QKI: variants seen among roughly 807,000 people sequenced by gnomAD.
QKI encodes QKI, KH domain containing RNA binding, also known as KH domain-containing RNA-binding protein QKI.
In QKI, 10 loss-of-function variants were observed where a neutral mutation model predicts 39.0. That is an observed-to-expected ratio of 0.26 (90% CI 0.16 to 0.43). QKI has a LOEUF of 0.43. Among genes scored for constraint, QKI ranks in the 20% least tolerant of loss-of-function variants. The pLI is 1.00. For missense variants in QKI, 218 were observed against 428.0 expected (o/e 0.51, Z 4.33); for synonymous variants, 204 against 155.4 (o/e 1.31, Z -2.33).
intron 3 of QKI, among the ~76,000 whole-genome samples, chr6:163,499,260 C>A (rs767458056): frequency 6.6e-6 from 1 of 152,144 alleles, no homozygotes; most frequent in African/African-American, 2.4e-5. Flanking sequence ...TATTTGACTT[C>A]TATTCGTGTT....
At chr6:163,446,105 T>C (rs971004884) in intron 1 of QKI, among the ~76,000 whole-genome samples, 50 of 152,356 alleles carry the variant, frequency 3.3e-4, no homozygotes, top group African/African-American at 1.2e-3. Context: ...ATTCATTGAA[T>C]GATTTTTGTT....
intron 3 of QKI, among the ~76,000 whole-genome samples, chr6:163,479,123 T>TA (rs35728884): frequency 1.3e-5 from 2 of 151,578 alleles, no homozygotes; most frequent in Admixed American, 6.6e-5. Context: ...CTGTCTTTAC[T>TA]AAAAAAAATA....
chr6:163,457,887 CTG>C (rs375739843), intron 2 of QKI, among the ~76,000 whole-genome samples: 7 of 151,986 alleles, frequency 4.6e-5, no homozygotes, highest in Non-Finnish European at 8.8e-5. Flanking sequence ...TGAATAGTGA[CTG>C]TGTATGGAAG....
intron 1 of QKI, among the ~76,000 whole-genome samples, chr6:163,447,000 T>C (rs148801478): frequency 0.027 from 4,088 of 152,234 alleles, 98 homozygotes; most frequent in Non-Finnish European, 0.035. Flanking sequence ...GTGAACATAC[T>C]GGTCTACACT....
intron 1 of QKI, among the ~76,000 whole-genome samples, chr6:163,450,570 T>C (rs1348798804): frequency 6.6e-6 from 1 of 151,628 alleles, no homozygotes; most frequent in Non-Finnish European, 1.5e-5. Context: ...AAAGGTCACA[T>C]AAAACAGAAC....
chr6:163,518,450 A>G (rs1779962860), intron 3 of QKI, among the ~76,000 whole-genome samples: 1 of 152,142 alleles, frequency 6.6e-6, no homozygotes, highest in South Asian at 2.1e-4. Context: ...TTGTGGGTCC[A>G]TGTTCTTAGT....
intron 2 of QKI, among the ~76,000 whole-genome samples, chr6:163,463,282 T>TG: frequency 6.6e-6 from 1 of 152,290 alleles, no homozygotes; most frequent in South Asian, 2.1e-4. Flanking sequence ...AACCTAGGTG[T>TG]TCTAGGATTT....
intron 2 of QKI, among the ~76,000 whole-genome samples, chr6:163,461,536 A>G (rs1183665527): frequency 6.6e-6 from 1 of 152,200 alleles, no homozygotes; most frequent in Non-Finnish European, 1.5e-5. Flanking sequence ...GTTTCATGTT[A>G]GGATCTACTC....
chr6:163,526,977 T>G (rs1562514523), intron 3 of QKI, among the ~76,000 whole-genome samples: 1 of 152,248 alleles, frequency 6.6e-6, no homozygotes, highest in Non-Finnish European at 1.5e-5. Context: ...ACAGTCCTGT[T>G]GTTTTTAACT....
Position 163,571,719 on chromosome 6 carries a change from TAAAAA to T in QKI, c.*1014_*1018del, listed in dbSNP as rs60102616. On this transcript the variant is annotated 3_prime_UTR_variant, in exon 8 of 8. Transcript: ENST00000361752. ...TAGCATTTTATACTTTCAAGTGTTA[TAAAAA>T]AAAAGAAAAAGAACAAAGAAACCCT... 3.3e-5 allele frequency: 5 copies of T among 150,032 alleles called. No homozygotes were observed. In the South Asian group the frequency reaches 1.0e-3, roughly 31 times the overall value. 9.3% of individuals were successfully genotyped at this position (150,032 alleles called of 1,614,324 possible).
chr6:163,421,028 T>C (rs1787955055), intron 1 of QKI, among the ~76,000 whole-genome samples: 1 of 152,170 alleles, frequency 6.6e-6, no homozygotes, highest in Non-Finnish European at 1.5e-5. Flanking sequence ...ACCTCCTTTT[T>C]TGATTTCTAG....
intron 4 of QKI, among the ~76,000 whole-genome samples, chr6:163,555,160 A>G (rs1052075176): frequency 6.6e-6 from 1 of 152,190 alleles, no homozygotes; most frequent in African/African-American, 2.4e-5. Context: ...TTTCAAATTT[A>G]TAGAAAACTA....
chr6:163,524,921 T>C (rs1780394818), intron 3 of QKI, among the ~76,000 whole-genome samples: 1 of 152,194 alleles, frequency 6.6e-6, no homozygotes, highest in South Asian at 2.1e-4. Context: ...AGCTCTGAGA[T>C]GTAAGTACTA....
At chr6:163,522,085 A>G (rs1780196876) in intron 3 of QKI, among the ~76,000 whole-genome samples, 1 of 152,238 alleles carries the variant, frequency 6.6e-6, no homozygotes, top group African/African-American at 2.4e-5. Context: ...ACTGTCTTCA[A>G]CATACTTTCT....
chr6:163,448,386 A>T (rs1030785278), intron 1 of QKI, among the ~76,000 whole-genome samples: 8 of 150,480 alleles, frequency 5.3e-5, no homozygotes, highest in Admixed American at 1.3e-4. Flanking sequence ...TTGAAATTAA[A>T]TCAGATTTAT....
chr6:163,481,369 C>G (rs1793064955), intron 3 of QKI, among the ~76,000 whole-genome samples: 1 of 152,168 alleles, frequency 6.6e-6, no homozygotes, highest in African/African-American at 2.4e-5. Context: ...GAATCCTTCC[C>G]TACACTGGTA....
At chr6:163,564,553 G>A (rs1306854952) in intron 6 of QKI, 1 of 1,569,252 alleles carries the variant, frequency 6.4e-7, no homozygotes, top group Non-Finnish European at 8.6e-7. Context: ...GCAAATCACT[G>A]AATTCAGAAT....
At chr6:163,428,085 G>A (rs1251728126) in intron 1 of QKI, among the ~76,000 whole-genome samples, 1 of 152,168 alleles carries the variant, frequency 6.6e-6, no homozygotes, top group Non-Finnish European at 1.5e-5. Context: ...TGCCAGAATA[G>A]GAAAATGTTC....
intron 3 of QKI, among the ~76,000 whole-genome samples, chr6:163,510,259 T>TAATAAG (rs869034912): frequency 7.1e-6 from 1 of 140,240 alleles, no homozygotes; most frequent in Non-Finnish European, 1.5e-5. Flanking sequence ...ATAATAATAA[T>TAATAAG]AAGTAAACTA....
Sources: gnomAD v4.1 joint callset for allele counts (sites outside exome capture counted in the v4.1 genomes callset) on GRCh38, gnomAD v4.1.1 for gene constraint, MANE v1.5 for transcripts, NCBI Gene and HGNC (gene_info 2026-07-23, HGNC 2026-07-21) for gene names.